Variants in RAMP1 observed in about 807,000 individuals in gnomAD.
RAMP1 encodes the protein receptor activity-modifying protein 1.
A neutral mutation model predicts 8.2 loss-of-function variants in RAMP1; 7 were observed. That is an observed-to-expected ratio of 0.85 (90% confidence interval 0.49 to 1.60). The LOEUF is 1.60. RAMP1 is among the 40% of genes most tolerant of loss of function. The pLI is 0.00. For synonymous variants in RAMP1, 92 were observed against 84.7 expected (o/e 1.09, Z -0.47); for missense variants, 192 against 202.4 (o/e 0.95, Z 0.31).
At chr2:237,869,096 G>A (rs2062217998) in intron 1 of RAMP1, among the ~76,000 whole-genome samples, 1 of 152,076 alleles carries the variant, frequency 6.6e-6, no homozygotes, top group South Asian at 2.1e-4. Context: ...CTCCATCCAT[G>A]CGCATTGTGT....
chr2:237,859,972 C>T (rs1226808999), intron 1 of RAMP1: 2 of 405,464 alleles, frequency 4.9e-6, no homozygotes, highest in Non-Finnish European at 8.8e-6. Context: ...GCTTTGGGGA[C>T]GTCGGAGAGC....
chr2:237,899,370 CGA>C (rs1032538323), intron 2 of RAMP1, among the ~76,000 whole-genome samples: 3 of 152,144 alleles, frequency 2.0e-5, no homozygotes, highest in Non-Finnish European at 4.4e-5. Flanking sequence ...TGCACCTGGC[CGA>C]GAGAGAGATT....
Position 237,865,786 on chromosome 2 carries a change from G to A in RAMP1, c.52+6059G>A, listed in dbSNP as rs1450469020. 1.3e-5 allele frequency among the ~76,000 whole-genome samples: 2 copies of A among 152,220 alleles called. No individual in the cohort carries two copies. Among genetic ancestry groups the A allele is most frequent in the African/African-American group, 2.4e-5 (1 of 41,538 alleles). On this transcript the variant is annotated intron_variant, in intron 1 of 2. Transcript: ENST00000254661. This position sits in a 1 kb window ranked among gnomAD's most constrained non-coding sequence, Gnocchi z 4.2. ...CTCCTTGTGAGAGGCCAGAGAGGAC[G>A]GCCAGGGAGGACAGAGAAGGAAACG... is the stretch of plus-strand genomic sequence containing the variant.
At chr2:237,869,672 C>T (rs1384292149) in intron 1 of RAMP1, among the ~76,000 whole-genome samples, 2 of 152,188 alleles carry the variant, frequency 1.3e-5, no homozygotes, top group African/African-American at 2.4e-5. Context: ...TCCATGGACA[C>T]GTGGGTTGCT....
chr2:237,888,061 G>A (rs1317376289), intron 2 of RAMP1, among the ~76,000 whole-genome samples: 1 of 152,012 alleles, frequency 6.6e-6, no homozygotes, highest in Non-Finnish European at 1.5e-5. Context: ...GGTTCTGGGG[G>A]GTTTTTTTTT....
At chr2:237,887,598 G>T (rs1212712942) in intron 2 of RAMP1, among the ~76,000 whole-genome samples, 4 of 152,222 alleles carry the variant, frequency 2.6e-5, no homozygotes, top group Admixed American at 6.5e-5. Flanking sequence ...GCACGCTGTG[G>T]TTCCCTACTC....
chr2:237,881,192 T>C (rs1013756442), intron 2 of RAMP1, among the ~76,000 whole-genome samples: 1 of 152,240 alleles, frequency 6.6e-6, no homozygotes, highest in Non-Finnish European at 1.5e-5. Context: ...TTGGTTTTTC[T>C]TCACTTAACA....
rs148929842 is a variant in RAMP1 at position 237,863,081 on chromosome 2, C to T, written c.52+3354C>T. On this transcript the variant is annotated intron_variant, in intron 1 of 2. Coordinates refer to ENST00000254661, the MANE Select transcript of RAMP1 (RefSeq NM_005855.4). ...CAGGCTCAGGGGGCTCCGAGAATGG[C>T]GTACCTGGGGGACTGTGGGAATCCT... Among the ~76,000 whole-genome samples the T allele has an allele frequency of 1.6e-4, 25 of 152,246 alleles. 1 individual carries two copies. The highest frequency in any genetic ancestry group is 5.5e-4 in the African/African-American group (23 of 41,550).
chr2:237,881,133 C>T (rs186886808), intron 2 of RAMP1, among the ~76,000 whole-genome samples: 61 of 152,298 alleles, frequency 4.0e-4, no homozygotes, highest in Admixed American at 6.5e-4. Flanking sequence ...TCTTACATCC[C>T]CTTCTTTCTT....
At chr2:237,890,039 G>A (rs552155213) in intron 2 of RAMP1, among the ~76,000 whole-genome samples, 7 of 152,234 alleles carry the variant, frequency 4.6e-5, no homozygotes, top group Non-Finnish European at 7.3e-5. Flanking sequence ...CTTCAGCGCT[G>A]TGAGCCTCTG....
At chr2:237,909,380 G>A (rs577446929) in intron 2 of RAMP1, among the ~76,000 whole-genome samples, 1 of 152,270 alleles carries the variant, frequency 6.6e-6, no homozygotes, top group South Asian at 2.1e-4. Flanking sequence ...GTCATGCAGG[G>A]GTACCCAGTG....
At chr2:237,875,000 C>T (rs1446950363) in intron 1 of RAMP1, among the ~76,000 whole-genome samples, 3 of 151,990 alleles carry the variant, frequency 2.0e-5, no homozygotes, top group Non-Finnish European at 4.4e-5. Flanking sequence ...CAGTGGGGGG[C>T]GGGATGCCAG....
intron 1 of RAMP1, among the ~76,000 whole-genome samples, chr2:237,870,157 AC>A (rs1038780582): frequency 6.6e-6 from 1 of 152,146 alleles, no homozygotes; most frequent in African/African-American, 2.4e-5. Context: ...ATGTCCCGCC[AC>A]CCACCTTTTG....
In RAMP1 at chr2:237,911,608, G is replaced by C. The variant is rs763645672; in HGVS notation, c.272G>C (p.Arg91Thr). The stretch of plus-strand genomic sequence containing the variant: ...TTCTGGCCCAATGCAGAGGTGGACA[G>C]GTTCTTCCTGGCAGTGCATGGCCGC... Reference protein sequence around the residue: ...GCFWPNAEVDRFFLAVHGRYF... With the variant: ...GCFWPNAEVDTFFLAVHGRYF... Residue 91 changes from arginine (R) to threonine (T), a missense_variant, in exon 3 of 3, where the codon AGG becomes ACG. Physicochemically the swap from Arg to Thr is moderately conservative, Grantham distance 71. Transcript: ENST00000254661. 6.2e-7 allele frequency: 1 copy of C among 1,614,160 alleles called. No individual in the cohort carries two copies. The highest frequency in any genetic ancestry group is 8.5e-7 in the Non-Finnish European group (1 of 1,180,020).
At chr2:237,911,230 G>A (rs574032663) in intron 2 of RAMP1, among the ~76,000 whole-genome samples, 96 of 116,794 alleles carry the variant, frequency 8.2e-4, no homozygotes, top group South Asian at 2.5e-3. Context: ...GCAGAGGTTC[G>A]GGCCTTATTT....
Position 237,911,990 on chromosome 2 carries a change from G to A in RAMP1, c.*207G>A. 1.2e-6 allele frequency: 1 copy of A among 818,626 alleles called. No individual in the cohort carries two copies. The highest frequency in any genetic ancestry group is 1.9e-6 in the Non-Finnish European group (1 of 538,828). The allele number at this position is 818,626 out of a possible 1,614,324, so 50.7% of individuals were successfully genotyped here. On this transcript the variant is annotated 3_prime_UTR_variant, in exon 3 of 3. Transcript: ENST00000254661. Reference sequence around the variant, plus strand: ...CTGGCTGGAGGCCACCGCCACCCTAGGAAGGGGGCAGGGACGTGACCTTGA... The same window carrying A: ...CTGGCTGGAGGCCACCGCCACCCTAAGAAGGGGGCAGGGACGTGACCTTGA...
chr2:237,903,379 G>A (rs986843878), intron 2 of RAMP1, among the ~76,000 whole-genome samples: 3 of 152,138 alleles, frequency 2.0e-5, no homozygotes, highest in African/African-American at 7.2e-5. Flanking sequence ...TGCAATTACG[G>A]GGTCAAGAGG....
chr2:237,875,361 A>C (rs182989306), intron 1 of RAMP1, among the ~76,000 whole-genome samples: 1 of 151,966 alleles, frequency 6.6e-6, no homozygotes, highest in Admixed American at 6.5e-5. Flanking sequence ...TCAGGTGGGT[A>C]CAGAGCCTCC....
chr2:237,911,004 TCACA>T (rs904932836), intron 2 of RAMP1, among the ~76,000 whole-genome samples: 52 of 149,668 alleles, frequency 3.5e-4, no homozygotes, highest in African/African-American at 7.5e-4. Context: ...CAGAAAATAG[TCACA>T]CACACGGTCA....
Sources: gnomAD v4.1 joint callset for allele counts (sites outside exome capture counted in the v4.1 genomes callset) on GRCh38, gnomAD v4.1.1 for gene constraint, Gnocchi (gnomAD v3.1) non-coding constraint, MANE v1.5 for transcripts, NCBI Gene and HGNC (gene_info 2026-07-23, HGNC 2026-07-21) for gene names.